SPOP: variants seen among roughly 807,000 people sequenced by gnomAD.
SPOP encodes speckle type BTB/POZ protein, also known as speckle-type POZ protein.
A neutral mutation model predicts 45.6 loss-of-function variants in SPOP; 11 were observed. That is an observed-to-expected ratio of 0.24 (90% CI 0.15 to 0.40). The LOEUF (loss-of-function observed/expected upper bound fraction) is 0.40, where lower values mean the gene tolerates loss of function less well. Ranked by LOEUF, SPOP falls within the 10% of genes least tolerant of loss-of-function variation. The pLI is 1.00. For synonymous variants in SPOP, 166 were observed against 166.3 expected (o/e 1.00, Z 0.01); for missense variants, 152 against 465.6 (o/e 0.33, Z 6.20).
chr17:49,615,446 TA>T (rs2072065074), intron 5 of SPOP, among the ~76,000 whole-genome samples: 1 of 152,218 alleles, frequency 6.6e-6, no homozygotes, highest in Non-Finnish European at 1.5e-5. Context: ...ACCAAATTAT[TA>T]AAGAGAAAAT....
intron 1 of SPOP, among the ~76,000 whole-genome samples, chr17:49,677,498 T>TG (rs2073214833): frequency 6.6e-6 from 1 of 152,202 alleles, no homozygotes; most frequent in Admixed American, 6.5e-5. Context: ...GCCCACAGCC[T>TG]GGGAAGAAGG....
Position 49,630,265 on chromosome 17 carries a change from T to C in SPOP, c.-66-7389A>G, listed in dbSNP as rs555981503. On this transcript the variant is annotated intron_variant, in intron 1 of 9. Coordinates refer to ENST00000504102, the MANE Select transcript of SPOP (RefSeq NM_001007228.2). ...AACTAATGTGACCAAAAGGAGCCTT[T>C]TGTTTTTTCTGTTACAGTGTGCTCA... Among the ~76,000 whole-genome samples the C allele has an allele frequency of 2.6e-5, 4 of 152,346 alleles. No homozygotes were observed. The South Asian group carries it at 8.3e-4, about 32-fold the overall frequency.
At chr17:49,669,199 T>TG (rs1443597453) in intron 1 of SPOP, among the ~76,000 whole-genome samples, 1 of 151,706 alleles carries the variant, frequency 6.6e-6, no homozygotes, top group East Asian at 2.0e-4. Context: ...CTCAAGTAGC[T>TG]GGGAATACAG....
intron 1 of SPOP, among the ~76,000 whole-genome samples, chr17:49,634,671 CCA>C (rs895699293): frequency 4.6e-5 from 7 of 152,266 alleles, no homozygotes; most frequent in African/African-American, 1.4e-4. Flanking sequence ...TTATATAACC[CCA>C]CAGAGTCCCC....
In SPOP at chr17:49,622,896, A is replaced by G. The variant is rs193065998; in HGVS notation, c.-66-20T>C. The G allele has an allele frequency of 8.1e-6, 9 of 1,112,086 alleles. No individual in the cohort carries two copies. The highest frequency in any genetic ancestry group is 1.5e-5 in the African/African-American group (1 of 64,666). The allele number at this position is 1,112,086 out of a possible 1,614,324, so 68.9% of individuals were successfully genotyped here. On this transcript the variant is annotated intron_variant, in intron 1 of 9. Transcript: ENST00000504102. ...TTCACCCTGGTCAGATCCAAGAAGC[A>G]AGAAAACTTTATTAGATTATTAAGA...
In SPOP at chr17:49,600,362, T is replaced by TA; in HGVS notation, c.*15dup. On this transcript the variant is annotated 3_prime_UTR_variant, in exon 10 of 10. Transcript: ENST00000504102. This position sits in a 1 kb window ranked among gnomAD's most constrained non-coding sequence, Gnocchi z 4.2. ...TGCTTCTGGAAATTAAACGGAGTCT[T>TA]ACAACAAGCAGGATCTTAGGATTGC... 3 of 1,613,606 alleles carry TA rather than the reference T, an allele frequency of 1.9e-6. No homozygotes were observed. Among genetic ancestry groups the TA allele is most frequent in the Non-Finnish European group, 2.5e-6 (3 of 1,179,856 alleles).
At chr17:49,627,657 A>G (rs1415824349) in intron 1 of SPOP, among the ~76,000 whole-genome samples, 1 of 152,228 alleles carries the variant, frequency 6.6e-6, no homozygotes, top group Admixed American at 6.5e-5. Flanking sequence ...GCCCAGGAAA[A>G]GGCCAAATTT....
intron 8 of SPOP, among the ~76,000 whole-genome samples, chr17:49,605,329 C>T (rs1045349727): frequency 2.6e-5 from 4 of 152,206 alleles, no homozygotes; most frequent in African/African-American, 9.7e-5. Flanking sequence ...GCCTCACTAT[C>T]CTTGGGGGAC....
intron 1 of SPOP, among the ~76,000 whole-genome samples, chr17:49,627,954 TC>T (rs1374567642): frequency 6.6e-6 from 1 of 152,216 alleles, no homozygotes; most frequent in African/African-American, 2.4e-5. Flanking sequence ...TTAATTTCAC[TC>T]ATAGCAGGAA....
chr17:49,614,628 A>G (rs1042654150), intron 5 of SPOP, among the ~76,000 whole-genome samples: 2 of 152,186 alleles, frequency 1.3e-5, no homozygotes, highest in Non-Finnish European at 2.9e-5. Context: ...ATAACCTACA[A>G]TGATGTTACC....
chr17:49,638,838 C>T (rs1297986449), intron 1 of SPOP, among the ~76,000 whole-genome samples: 1 of 152,080 alleles, frequency 6.6e-6, no homozygotes, highest in Non-Finnish European at 1.5e-5. Flanking sequence ...GTGGTAAAAC[C>T]CTGTCTCTAC....
intron 1 of SPOP, among the ~76,000 whole-genome samples, chr17:49,673,560 A>C (rs1242566590): frequency 6.6e-6 from 1 of 152,214 alleles, no homozygotes; most frequent in African/African-American, 2.4e-5. Context: ...TAAATATAGC[A>C]AAATGTGAAC....
chr17:49,618,545 C>A (rs1473320247), intron 5 of SPOP: 1 of 456,472 alleles, frequency 2.2e-6, no homozygotes, highest in African/African-American at 2.0e-5. Context: ...AACCATAGGC[C>A]TCAACTCTTG....
At chr17:49,657,644 G>C (rs931730745) in intron 1 of SPOP, among the ~76,000 whole-genome samples, 1 of 148,048 alleles carries the variant, frequency 6.8e-6, no homozygotes, top group African/African-American at 2.5e-5. Context: ...TGATCCACTC[G>C]CCTCGGCCTC....
rs1305587909 is a variant in SPOP at position 49,658,381 on chromosome 17, G to GA, written c.-67+19551dup. 3.9e-5 allele frequency among the ~76,000 whole-genome samples: 6 copies of GA among 151,960 alleles called. No homozygotes were observed. In the East Asian group the frequency reaches 5.8e-4, roughly 15 times the overall value. The stretch of plus-strand genomic sequence containing the variant: ...CAGCAAAAGCAAATACTTTTATTCT[G>GA]AAAAAATACCATGTTGATTTTTAAA... On this transcript the variant is annotated intron_variant, in intron 1 of 9. Coordinates refer to ENST00000504102, the MANE Select transcript of SPOP (RefSeq NM_001007228.2).
intron 3 of SPOP, among the ~76,000 whole-genome samples, chr17:49,620,158 G>A (rs1236192924): frequency 6.8e-5 from 10 of 146,740 alleles, no homozygotes; most frequent in African/African-American, 2.5e-4. Context: ...TAACAAGAAC[G>A]AAACTCCATC....
chr17:49,633,220 C>T (rs1030681550), intron 1 of SPOP, among the ~76,000 whole-genome samples: 6 of 152,094 alleles, frequency 3.9e-5, no homozygotes, highest in Non-Finnish European at 8.8e-5. Context: ...CCTATTTCTC[C>T]TTCCTCTCCT....
intron 1 of SPOP, among the ~76,000 whole-genome samples, chr17:49,658,200 A>C (rs1396291232): frequency 6.6e-6 from 1 of 152,188 alleles, no homozygotes; most frequent in Non-Finnish European, 1.5e-5. Flanking sequence ...TTTTTTATAG[A>C]TATAAATATC....
chr17:49,627,956 A>G (rs941615707), intron 1 of SPOP, among the ~76,000 whole-genome samples: 1 of 152,240 alleles, frequency 6.6e-6, no homozygotes, highest in African/African-American at 2.4e-5. Flanking sequence ...AATTTCACTC[A>G]TAGCAGGAAC....
Sources: allele counts gnomAD v4.1 joint callset (sites outside exome capture counted in the v4.1 genomes callset), GRCh38; gene constraint gnomAD v4.1.1; non-coding constraint Gnocchi (gnomAD v3.1); transcripts MANE v1.5; gene names NCBI Gene and HGNC (gene_info 2026-07-23, HGNC 2026-07-21).